SFXN4: variants seen among roughly 807,000 people sequenced by gnomAD.
SFXN4 encodes the protein sideroflexin-4.
In SFXN4, 48 loss-of-function variants were observed where a neutral mutation model predicts 54.6. That is an observed-to-expected ratio of 0.88 (90% CI 0.70 to 1.12). The LOEUF is 1.12. Ranked by LOEUF, SFXN4 falls within the 50% of genes most tolerant of loss-of-function variation. The pLI, the probability that SFXN4 is intolerant of heterozygous loss-of-function variation, is 0.00. For missense variants in SFXN4, 383 were observed against 409.2 expected, an observed-to-expected ratio of 0.94 and a Z score of 0.55; for synonymous variants, 130 against 145.5, an observed-to-expected ratio of 0.89 and a Z score of 0.77.
chr10:119,152,891 G>A (rs1847127126), intron 11 of SFXN4, among the ~76,000 whole-genome samples: 1 of 152,098 alleles, frequency 6.6e-6, no homozygotes, highest in Non-Finnish European at 1.5e-5. Flanking sequence ...ACTGCCAGAA[G>A]CCCGGTTAGT....
At chr10:119,147,640 C>T (rs575386104) in intron 12 of SFXN4, 135 bp downstream of exon 12, 2 of 695,256 alleles carry the variant, frequency 2.9e-6, no homozygotes, top group East Asian at 2.5e-5. Flanking sequence ...ATCCGCCTGT[C>T]TTAGCTGTGA....
chr10:119,162,244 G>A (rs1214455794), intron 3 of SFXN4, 96 bp downstream of exon 3: 8 of 914,384 alleles, frequency 8.7e-6, no homozygotes, highest in South Asian at 2.9e-5. Flanking sequence ...AAAAGAGACG[G>A]AGACAGAGAT....
At chr10:119,145,311 A>ATTTT (rs1223685344) in intron 13 of SFXN4, among the ~76,000 whole-genome samples, 3 of 68,094 alleles carry the variant, frequency 4.4e-5, no homozygotes, top group Non-Finnish European at 7.0e-5. Context: ...TTTTCTTATG[A>ATTTT]TTTTTTTTTT....
chr10:119,161,791 G>C (rs1847560481), intron 3 of SFXN4, among the ~76,000 whole-genome samples: 2 of 152,196 alleles, frequency 1.3e-5, no homozygotes, highest in Non-Finnish European at 2.9e-5. Flanking sequence ...CATCAGTCAA[G>C]TTACTTGCAA....
At chr10:119,146,460 T>TGCGC (rs1554885827) in intron 12 of SFXN4, 107 bp from the exon 13 acceptor site, 296 of 570,980 alleles carry the variant, frequency 5.2e-4, no homozygotes, top group African/African-American at 1.6e-3. Context: ...TGTGTGTGTG[T>TGCGC]GCACGTGTGT....
At chr10:119,160,304 G>A (rs982853367) in intron 5 of SFXN4, among the ~76,000 whole-genome samples, 3 of 151,992 alleles carry the variant, frequency 2.0e-5, no homozygotes, top group Non-Finnish European at 4.4e-5. Context: ...TCAGGAGTTC[G>A]AGACCAGCCT....
Position 119,161,086 on chromosome 10 carries a change from A to T in SFXN4, c.253-5T>A. 6.2e-7 allele frequency: 1 copy of T among 1,613,844 alleles called. No individual in the cohort carries two copies. The highest frequency in any genetic ancestry group is 8.5e-7 in the Non-Finnish European group (1 of 1,179,794). ...CCGCTTCCAAGCTTCTTGTATCTTA[A>T]AGGAGAAAAAAGAATAGCTTTGTTT... On this transcript the variant is annotated splice_region_variant and splice_polypyrimidine_tract_variant and intron_variant, in intron 3 of 13. Coordinates refer to ENST00000355697, the MANE Select transcript of SFXN4 (RefSeq NM_213649.2).
Position 119,156,669 on chromosome 10 carries a change from C to T in SFXN4, c.616+9G>A. 1 of 1,604,354 alleles carries T rather than the reference C, an allele frequency of 6.2e-7. No individual in the cohort carries two copies. The highest frequency in any genetic ancestry group is 8.5e-7 in the Non-Finnish European group (1 of 1,173,858). On this transcript the variant is annotated intron_variant, in intron 10 of 13. Transcript: ENST00000355697. Reference sequence around the variant, plus strand: ...ACCCAGACTGCAGCCTCCAGCCCTTCCTGCTCACCGAGGAAGATCACAGGT... The same window carrying T: ...ACCCAGACTGCAGCCTCCAGCCCTTTCTGCTCACCGAGGAAGATCACAGGT...
intron 13 of SFXN4, among the ~76,000 whole-genome samples, chr10:119,143,891 C>T (rs915409338): frequency 2.0e-5 from 3 of 152,190 alleles, no homozygotes; most frequent in Non-Finnish European, 4.4e-5. Context: ...GTTGGAATTA[C>T]AGACATGAGC....
rs770415649 is a variant in SFXN4, at chr10:119,156,661, C to T, written c.616+17G>A. 6.3e-7 allele frequency: 1 copy of T among 1,597,314 alleles called. No homozygotes were observed. The highest frequency in any genetic ancestry group is 2.2e-5 in the East Asian group (1 of 44,622). On this transcript the variant is annotated intron_variant, in intron 10 of 13. Coordinates refer to ENST00000355697, the MANE Select transcript of SFXN4 (RefSeq NM_213649.2). ...GACACCCCACCCAGACTGCAGCCTC[C>T]AGCCCTTCCTGCTCACCGAGGAAGA...
chr10:119,162,779 TC>T (rs1420919714), intron 2 of SFXN4, among the ~76,000 whole-genome samples: 5 of 152,056 alleles, frequency 3.3e-5, no homozygotes, highest in Non-Finnish European at 7.4e-5. Flanking sequence ...TTATTTCCTC[TC>T]TTTTTCTTTC....
In SFXN4 at chr10:119,141,196, G is replaced by A. The variant is rs757991868; in HGVS notation, c.*46C>T. On this transcript the variant is annotated 3_prime_UTR_variant, in exon 14 of 14. Coordinates refer to ENST00000355697, the MANE Select transcript of SFXN4 (RefSeq NM_213649.2). ...TTCTCTAAACCGAACCTGGAGAGGG[G>A]AAGGTTTTCAAGCAGGAACCACATA... is the stretch of plus-strand genomic sequence containing the variant. 9.1e-6 allele frequency: 13 copies of A among 1,423,082 alleles called. No homozygotes were observed. The highest frequency in any genetic ancestry group is 1.8e-4 in the Middle Eastern group (1 of 5,644). The allele number at this position is 1,423,082 out of a possible 1,614,324, so 88.2% of individuals were successfully genotyped here.
intron 13 of SFXN4, among the ~76,000 whole-genome samples, chr10:119,143,598 C>A (rs1205513954): frequency 6.6e-6 from 1 of 152,062 alleles, no homozygotes; most frequent in Non-Finnish European, 1.5e-5. Context: ...CCACCTCGGC[C>A]TCCCAAAGTG....
At chr10:119,150,234 T>C (rs1847006611) in intron 11 of SFXN4, among the ~76,000 whole-genome samples, 1 of 152,060 alleles carries the variant, frequency 6.6e-6, no homozygotes, top group South Asian at 2.1e-4. Flanking sequence ...TCTGGTGAGA[T>C]GGACTCCAGA....
At position 119,165,623 on chromosome 10, in the gene SFXN4, T is replaced by C. The variant is rs1002187343; in HGVS notation, c.25A>G (p.Thr9Ala). The C allele has an allele frequency of 6.9e-6, 11 of 1,592,066 alleles. No individual in the cohort carries two copies. In the African/African-American group the frequency reaches 1.5e-4, roughly 22 times the overall value. The change falls in exon 1 of 14, where the codon ACG becomes GCG. Residue 9 changes from threonine (T) to alanine (A), a missense_variant. Thr to Ala is a moderately conservative substitution (Grantham distance 58, BLOSUM62 0). Transcript: ENST00000355697. Reference sequence around the variant, plus strand: ...CGTCCTAGGAGCCGCCCAGGTTGCGTTTCCTCCTCCTGTTCCAGGGACATT... The same window carrying C: ...CGTCCTAGGAGCCGCCCAGGTTGCGCTTCCTCCTCCTGTTCCAGGGACATT... Reference protein sequence around the residue: MSLEQEEETQPGRLLGRRD... With the variant: MSLEQEEEAQPGRLLGRRD...
intron 10 of SFXN4, among the ~76,000 whole-genome samples, chr10:119,155,529 G>A (rs1407851058): frequency 6.6e-6 from 1 of 151,880 alleles, no homozygotes; most frequent in East Asian, 1.9e-4. Context: ...TTTCACTCTT[G>A]TTGCCCAGGC....
intron 11 of SFXN4, among the ~76,000 whole-genome samples, chr10:119,153,792 G>C (rs1413070634): frequency 6.6e-6 from 1 of 152,172 alleles, no homozygotes; most frequent in Non-Finnish European, 1.5e-5. Flanking sequence ...CATGGCAACA[G>C]TACCCAGTTA....
At chr10:119,144,232 G>A (rs998525547) in intron 13 of SFXN4, among the ~76,000 whole-genome samples, 7 of 152,098 alleles carry the variant, frequency 4.6e-5, no homozygotes, top group East Asian at 1.9e-4. Context: ...CGAGGCGGGC[G>A]GATCACGAGG....
Position 119,141,143 on chromosome 10 carries a change from TG to T in SFXN4, c.*98del. On this transcript the variant is annotated 3_prime_UTR_variant, in exon 14 of 14. Transcript: ENST00000355697. ...GTCGCCTTGTCAGCACAGACACCTC[TG>T]GGGTCCCCAGAAGACCTGTGGCAAA... 1.2e-6 allele frequency: 1 copy of T among 804,164 alleles called. No homozygotes were observed. The highest frequency in any genetic ancestry group is 2.1e-6 in the Non-Finnish European group (1 of 480,546). The allele number at this position is 804,164 out of a possible 1,614,324, so 49.8% of individuals were successfully genotyped here. A position where few individuals can be genotyped will look rare whatever the true frequency, so the allele number is the denominator to read the frequency against.
Sources: allele counts gnomAD v4.1 joint callset (sites outside exome capture counted in the v4.1 genomes callset), GRCh38; gene constraint gnomAD v4.1.1; transcripts MANE v1.5; gene names NCBI Gene and HGNC (gene_info 2026-07-23, HGNC 2026-07-21).